Variants in PREP observed in about 807,000 individuals in gnomAD.
The protein encoded by PREP is dJ355L5.1 (prolyl endopeptidase).
A neutral mutation model predicts 87.6 loss-of-function variants in PREP; 29 were observed. The ratio of observed to expected loss-of-function variants is 0.33; its 90% CI spans 0.25 to 0.45. The LOEUF (loss-of-function observed/expected upper bound fraction) is 0.45. PREP is among the 20% of genes least tolerant of loss of function. PREP has a pLI of 1.00. For missense variants in PREP, 695 were observed against 886.5 expected (o/e 0.78, Z 2.74); for synonymous variants, 337 against 328.6 (o/e 1.03, Z -0.28).
intron 8 of PREP, among the ~76,000 whole-genome samples, chr6:105,330,025 T>C (rs948724947): frequency 3.4e-4 from 51 of 151,752 alleles, no homozygotes; most frequent in African/African-American, 1.2e-3. Context: ...GGGAAAGGAA[T>C]AGAAAGGACA....
chr6:105,374,166 G>A (rs1772627079), intron 4 of PREP, among the ~76,000 whole-genome samples: 1 of 152,132 alleles, frequency 6.6e-6, no homozygotes, highest in South Asian at 2.1e-4. Context: ...GGCGCCCGGA[G>A]TGCACATTCC....
At chr6:105,336,491 T>C (rs1771481861) in intron 7 of PREP, among the ~76,000 whole-genome samples, 1 of 152,248 alleles carries the variant, frequency 6.6e-6, no homozygotes, top group East Asian at 1.9e-4. Context: ...ATATTTCTAT[T>C]ATTTTTTGCT....
At chr6:105,301,990 G>C (rs1583043422) in intron 10 of PREP, among the ~76,000 whole-genome samples, 1 of 152,210 alleles carries the variant, frequency 6.6e-6, no homozygotes. Context: ...ACTTTGATGA[G>C]TTTATTTGGA....
In PREP at chr6:105,393,386, CA is replaced by C. The variant is rs1211206155; in HGVS notation, c.120+4466del. On this transcript the variant is annotated intron_variant, in intron 2 of 14. Transcript: ENST00000652536. ...ACTTGTAACAGAAAATTCTCAAAAA[CA>C]GGGGCGGGGCAGGGGGTAGAGGGAG... is the stretch of plus-strand genomic sequence containing the variant. Among the ~76,000 whole-genome samples, 3 of 152,050 alleles carry C rather than the reference CA, an allele frequency of 2.0e-5. No individual in the cohort carries two copies. In the East Asian group the frequency reaches 5.8e-4, roughly 30 times the overall value.
Position 105,323,645 on chromosome 6 carries a change from T to C in PREP, c.1317+20A>G, listed in dbSNP as rs2253957. 152,757 of 1,550,260 alleles carry C rather than the reference T, an allele frequency of 0.099. 19,732 individuals are homozygous for C. Among genetic ancestry groups the C allele is most frequent in the African/African-American group, 0.63 (46,497 of 73,950 alleles). On this transcript the variant is annotated intron_variant, in intron 10 of 14. Coordinates refer to ENST00000652536, the MANE Select transcript of PREP (RefSeq NM_002726.5). ...TCAGACTTCCTAACTCTCACATTAATGAGATCATATTCTCCATACCTGGAC... is the reference window on the plus strand; with the variant it reads ...TCAGACTTCCTAACTCTCACATTAACGAGATCATATTCTCCATACCTGGAC...
At chr6:105,298,574 G>T (rs558463779) in intron 10 of PREP, 16 of 152,546 alleles carry the variant, frequency 1.0e-4, no homozygotes, top group African/African-American at 3.9e-4. Context: ...GACTGCGCAC[G>T]ACATGGATCC....
intron 2 of PREP, among the ~76,000 whole-genome samples, chr6:105,390,961 C>T (rs1773127158): frequency 6.6e-6 from 1 of 151,796 alleles, no homozygotes; most frequent in South Asian, 2.1e-4. Flanking sequence ...CCCAACTATA[C>T]AATTCTCCCT....
At chr6:105,361,268 C>T (rs1233567944) in intron 6 of PREP, among the ~76,000 whole-genome samples, 1 of 152,058 alleles carries the variant, frequency 6.6e-6, no homozygotes, top group Non-Finnish European at 1.5e-5. Context: ...TCCTTAAAAA[C>T]AACAGAACAC....
chr6:105,337,982 T>C (rs1204016701), intron 7 of PREP, among the ~76,000 whole-genome samples: 1 of 151,518 alleles, frequency 6.6e-6, no homozygotes, highest in East Asian at 1.9e-4. Flanking sequence ...CATCTTGGTG[T>C]ACATAAAACA....
At chr6:105,308,423 A>G (rs62419682) in intron 10 of PREP, among the ~76,000 whole-genome samples, 3,851 of 152,326 alleles carry the variant, frequency 0.025, 76 homozygotes, top group Non-Finnish European at 0.036. Context: ...GTACAATAAA[A>G]GCATGCTAGG....
intron 11 of PREP, among the ~76,000 whole-genome samples, chr6:105,286,969 C>T (rs904064256): frequency 8.6e-5 from 3 of 34,916 alleles, no homozygotes; most frequent in African/African-American, 2.3e-4. Context: ...GACTCATTGT[C>T]CACTGATGAA....
In PREP at chr6:105,362,201, C is replaced by T. The variant is rs6922206; in HGVS notation, c.717+6702G>A. Among the ~76,000 whole-genome samples, 1,357 of 152,318 alleles carry T rather than the reference C, an allele frequency of 8.9e-3. 13 individuals carry two copies. The highest frequency in any genetic ancestry group is 0.03 in the African/African-American group (1,267 of 41,564). ...TGGGGTTGGGTGTGGTGGCTCAAGCCTGTAATCCCAGCACTTTGGGAGGCC... is the reference window on the plus strand; with the variant it reads ...TGGGGTTGGGTGTGGTGGCTCAAGCTTGTAATCCCAGCACTTTGGGAGGCC... On this transcript the variant is annotated intron_variant, in intron 6 of 14. Transcript: ENST00000652536.
chr6:105,346,185 T>G lies in PREP; in HGVS notation c.823+6787A>C, dbSNP rs1413090295. On this transcript the variant is annotated intron_variant, in intron 7 of 14. Transcript: ENST00000652536. ...GCTTTTAGCACTCAGATGACTTTGC[T>G]AAGCTTTGGACAGCTCCTTTGCTTA... Among the ~76,000 whole-genome samples, 7 of 152,322 alleles carry G rather than the reference T, an allele frequency of 4.6e-5. No homozygotes were observed. In the East Asian group the frequency reaches 7.7e-4, roughly 17 times the overall value.
At chr6:105,280,322 A>T in intron 14 of PREP, among the ~76,000 whole-genome samples, 1 of 152,220 alleles carries the variant, frequency 6.6e-6, no homozygotes, top group East Asian at 1.9e-4. Flanking sequence ...AACTTTAGAA[A>T]CTAAAGTTAT....
At chr6:105,350,923 C>T (rs561676542) in intron 7 of PREP, among the ~76,000 whole-genome samples, 1 of 152,342 alleles carries the variant, frequency 6.6e-6, no homozygotes, top group South Asian at 2.1e-4. Context: ...TGCCGCTCAA[C>T]AGCTTCAAAT....
At chr6:105,285,778 T>C (rs556533704) in intron 11 of PREP, among the ~76,000 whole-genome samples, 198 bp from the exon 12 acceptor site, 1 of 152,292 alleles carries the variant, frequency 6.6e-6, no homozygotes, top group East Asian at 1.9e-4. Context: ...AAAGCTAATA[T>C]ATATACATAT....
chr6:105,335,015 C>T (rs1201023049), intron 7 of PREP, among the ~76,000 whole-genome samples: 1 of 152,190 alleles, frequency 6.6e-6, no homozygotes, highest in Non-Finnish European at 1.5e-5. Flanking sequence ...ATAAAACTTG[C>T]ATGGCATAAA....
intron 10 of PREP, among the ~76,000 whole-genome samples, chr6:105,317,677 G>A (rs113076091): frequency 7.2e-5 from 11 of 152,280 alleles, no homozygotes; most frequent in African/African-American, 2.4e-4. Flanking sequence ...CTCAGGGACT[G>A]TGAAGGAGGG....
At position 105,326,061 on chromosome 6, in the gene PREP, G is replaced by A. The variant is rs542018496; in HGVS notation, c.1214-2293C>T. ...CGAAAAGTCACGTATGTAAAAAGGCGGCAAACTTTGTAACCCATGGAGATT... is the reference window on the plus strand; with the variant it reads ...CGAAAAGTCACGTATGTAAAAAGGCAGCAAACTTTGTAACCCATGGAGATT... On this transcript the variant is annotated intron_variant, in intron 9 of 14. Coordinates refer to ENST00000652536, the MANE Select transcript of PREP (RefSeq NM_002726.5). 5.9e-5 allele frequency among the ~76,000 whole-genome samples: 9 copies of A among 152,204 alleles called. No individual in the cohort carries two copies. The South Asian group carries it at 1.0e-3, about 18-fold the overall frequency.
Sources: gnomAD v4.1 joint callset for allele counts (sites outside exome capture counted in the v4.1 genomes callset) on GRCh38, gnomAD v4.1.1 for gene constraint, MANE v1.5 for transcripts, NCBI Gene and HGNC (gene_info 2026-07-23, HGNC 2026-07-21) for gene names.